Variants in CRY1 observed in about 807,000 individuals in gnomAD.
The protein encoded by CRY1 is cryptochrome-1.
In CRY1, 45 loss-of-function variants were observed where a neutral mutation model predicts 76.0. The ratio of observed to expected loss-of-function variants is 0.59; its 90% CI spans 0.47 to 0.76. CRY1 has a LOEUF of 0.76. Among genes scored for constraint, CRY1 ranks in the 30% least tolerant of loss-of-function variants. The probability of loss-of-function intolerance (pLI) is 0.00; values close to 1 mark genes in which losing one functional copy is unlikely to be tolerated. For missense variants in CRY1, 587 were observed against 716.4 expected (o/e 0.82, Z 2.06); for synonymous variants, 248 against 244.0 (o/e 1.02, Z -0.15).
At chr12:107,010,890 C>T (rs558308453) in intron 2 of CRY1, among the ~76,000 whole-genome samples, 21 of 152,330 alleles carry the variant, frequency 1.4e-4, no homozygotes, top group Admixed American at 5.9e-4. Flanking sequence ...CCCTCTCTCC[C>T]TCTCCTCAGG....
intron 1 of CRY1, among the ~76,000 whole-genome samples, chr12:107,056,912 C>A (rs1325449702): frequency 6.6e-6 from 1 of 151,872 alleles, no homozygotes; most frequent in Non-Finnish European, 1.5e-5. Context: ...AGATATCTTT[C>A]AAGAATTAAG....
rs10522970 is a variant in CRY1, at chr12:106,998,659, AACACACACACACACACACAC to A, written c.1138-613_1138-594del. On this transcript the variant is annotated intron_variant, in intron 7 of 12. Coordinates refer to ENST00000008527, the MANE Select transcript of CRY1 (RefSeq NM_004075.5). ...GTGTACTAGGAAATATAAGAGATTA[AACACACACACACACACACAC>A]ACACACACACACAAGCTCAGAAATG... Among the ~76,000 whole-genome samples, 5 of 143,440 alleles carry A rather than the reference AACACACACACACACACACAC, an allele frequency of 3.5e-5. No homozygotes were observed. In the East Asian group the frequency reaches 6.1e-4, roughly 17 times the overall value. 94.1% of individuals were successfully genotyped at this position (143,440 alleles called of 152,430 possible).
At chr12:107,078,708 G>T (rs1404590182) in intron 1 of CRY1, among the ~76,000 whole-genome samples, 1 of 151,928 alleles carries the variant, frequency 6.6e-6, no homozygotes, top group African/African-American at 2.4e-5. Context: ...GCTTCAAATT[G>T]GTCAACAACC....
intron 1 of CRY1, among the ~76,000 whole-genome samples, chr12:107,072,533 A>T (rs1953202169): frequency 1.3e-5 from 2 of 152,244 alleles, no homozygotes; most frequent in Admixed American, 1.3e-4. Flanking sequence ...GGAACACAGA[A>T]GTCCTATGTT....
intron 1 of CRY1, among the ~76,000 whole-genome samples, chr12:107,035,219 G>A (rs1193181558): frequency 6.6e-6 from 1 of 152,138 alleles, no homozygotes; most frequent in African/African-American, 2.4e-5. Context: ...CTTAGCACAT[G>A]TAACTATTCA....
Position 107,064,905 on chromosome 12 carries a change from A to C in CRY1, c.158+27899T>G, listed in dbSNP as rs114551840. On this transcript the variant is annotated intron_variant, in intron 1 of 12. Coordinates refer to ENST00000008527, the MANE Select transcript of CRY1 (RefSeq NM_004075.5). ...GGAGCAACAGACATTCTCTAACTAA[A>C]AGAACTTGAGGGAGGGGCAAAAGCT... 4.6e-3 allele frequency among the ~76,000 whole-genome samples: 705 copies of C among 152,336 alleles called. 6 individuals are homozygous for C. Among genetic ancestry groups the C allele is most frequent in the African/African-American group, 0.016 (665 of 41,572 alleles).
At chr12:107,029,594 G>A (rs1198208070) in intron 1 of CRY1, among the ~76,000 whole-genome samples, 2 of 130,920 alleles carry the variant, frequency 1.5e-5, no homozygotes, top group Admixed American at 1.7e-4. Context: ...GCGACAGAGT[G>A]AGGTCTTGCC....
At chr12:107,014,162 G>T (rs1049810484) in intron 2 of CRY1, among the ~76,000 whole-genome samples, 2 of 152,192 alleles carry the variant, frequency 1.3e-5, no homozygotes, top group African/African-American at 4.8e-5. Flanking sequence ...TTACCGGAGG[G>T]CAATGACCAA....
intron 1 of CRY1, among the ~76,000 whole-genome samples, chr12:107,035,285 A>G (rs974753126): frequency 5.9e-5 from 9 of 152,234 alleles, no homozygotes; most frequent in African/African-American, 1.7e-4. Flanking sequence ...ACATTACTGC[A>G]AAAATTTAGT....
intron 2 of CRY1, among the ~76,000 whole-genome samples, chr12:107,006,772 C>T (rs955943781): frequency 3.3e-5 from 5 of 151,568 alleles, no homozygotes; most frequent in African/African-American, 9.7e-5. Context: ...CTGCCTCAGC[C>T]TCCCGAGTAG....
intron 1 of CRY1, among the ~76,000 whole-genome samples, chr12:107,042,041 C>A (rs1952804856): frequency 6.6e-6 from 1 of 152,036 alleles, no homozygotes; most frequent in East Asian, 1.9e-4. Context: ...AACACTGGAA[C>A]AATTTAAATG....
At chr12:107,059,244 T>G (rs776156938) in intron 1 of CRY1, among the ~76,000 whole-genome samples, 3 of 152,062 alleles carry the variant, frequency 2.0e-5, no homozygotes, top group Non-Finnish European at 2.9e-5. Flanking sequence ...AAATGGGACA[T>G]GAATAGAGAT....
intron 1 of CRY1, among the ~76,000 whole-genome samples, chr12:107,025,884 C>G (rs10861697): frequency 0.55 from 82,408 of 150,404 alleles, 22,930 homozygotes; most frequent in East Asian, 0.73. Context: ...AACCAAACTT[C>G]TCTTTCAGCA....
intron 5 of CRY1, 103 bp downstream of exon 5, chr12:107,001,177 C>T: frequency 1.2e-6 from 1 of 803,414 alleles, no homozygotes; most frequent in Non-Finnish European, 2.0e-6. Flanking sequence ...TGTTAATCCT[C>T]CCCTTTCAAC....
intron 2 of CRY1, among the ~76,000 whole-genome samples, chr12:107,020,944 T>C (rs1156935061): frequency 1.3e-5 from 2 of 152,336 alleles, no homozygotes; most frequent in East Asian, 1.9e-4. Flanking sequence ...AGATTAGGTA[T>C]CTTAAACATT....
chr12:107,022,248 A>G, intron 1 of CRY1, 56 bp from the exon 2 acceptor site: 1 of 1,038,420 alleles, frequency 9.6e-7, no homozygotes, highest in South Asian at 1.8e-5. Flanking sequence ...TAGAAGACAT[A>G]AATTATTACA....
At chr12:107,053,900 C>T (rs1212521749) in intron 1 of CRY1, among the ~76,000 whole-genome samples, 1 of 152,244 alleles carries the variant, frequency 6.6e-6, no homozygotes, top group African/African-American at 2.4e-5. Context: ...ATAACTACAT[C>T]CCCAACAGGC....
In CRY1 at chr12:107,037,697, TTTTATTTA is replaced by T. The variant is rs138096287; in HGVS notation, c.159-15513_159-15506del. On this transcript the variant is annotated intron_variant, in intron 1 of 12. Transcript: ENST00000008527. ...ATATAAATTTGTTTTTTAGAAATTATTTTATTTATTTATTTATTTATTTATTTTAGAGA... is the reference window on the plus strand; with the variant it reads ...ATATAAATTTGTTTTTTAGAAATTATTTTATTTATTTATTTATTTTAGAGA... 9.3e-5 allele frequency among the ~76,000 whole-genome samples: 14 copies of T among 150,992 alleles called. No homozygotes were observed. The South Asian group carries it at 1.0e-3, about 11-fold the overall frequency.
At chr12:106,997,824 T>C (rs531037046) in intron 8 of CRY1, 91 bp downstream of exon 8, 1 of 1,545,992 alleles carries the variant, frequency 6.5e-7, no homozygotes, top group Non-Finnish European at 8.8e-7. Flanking sequence ...CTGCCCATCA[T>C]GAGTGGGGAA....
Sources: gnomAD v4.1 joint callset for allele counts (sites outside exome capture counted in the v4.1 genomes callset) on GRCh38, gnomAD v4.1.1 for gene constraint, MANE v1.5 for transcripts, NCBI Gene and HGNC (gene_info 2026-07-23, HGNC 2026-07-21) for gene names.